The following TACC2 variants were observed in gnomAD, a reference collection of about 807,000 sequenced individuals.
The protein encoded by TACC2 is transforming acidic coiled-coil-containing protein 2.
A neutral mutation model predicts 227.3 loss-of-function variants in TACC2; 137 were observed. That is an observed-to-expected ratio of 0.60 (90% CI 0.52 to 0.69). The LOEUF (loss-of-function observed/expected upper bound fraction) is 0.69, where lower values mean the gene tolerates loss of function less well. Ranked by LOEUF, TACC2 falls within the 30% of genes least tolerant of loss-of-function variation. TACC2 has a pLI of 0.00. For synonymous variants in TACC2, 1,523 were observed against 1,487.5 expected (o/e 1.02, Z -0.55); for missense variants, 3,470 against 3,694.4 (o/e 0.94, Z 1.57).
chr10:122,138,023 G>A (rs2089980251), intron 6 of TACC2, among the ~76,000 whole-genome samples: 1 of 152,186 alleles, frequency 6.6e-6, no homozygotes, highest in East Asian at 1.9e-4. Flanking sequence ...ATGGTCAGAA[G>A]TTGAAAGGCC....
intron 7 of TACC2, among the ~76,000 whole-genome samples, chr10:122,177,994 T>C (rs895823721): frequency 1.3e-5 from 2 of 152,160 alleles, no homozygotes; most frequent in Admixed American, 1.3e-4. Context: ...ATAGCTGAGC[T>C]CACCTCTGGA....
At chr10:122,222,849 A>G (rs1401106740) in intron 11 of TACC2, among the ~76,000 whole-genome samples, 1 of 152,202 alleles carries the variant, frequency 6.6e-6, no homozygotes, top group East Asian at 1.9e-4. Flanking sequence ...CATTTAGGGC[A>G]TGTAATGCCT....
At chr10:121,996,913 C>G (rs1003660467) in intron 1 of TACC2, among the ~76,000 whole-genome samples, 6 of 151,944 alleles carry the variant, frequency 3.9e-5, no homozygotes. Flanking sequence ...ATGGACTCTC[C>G]AAGGAGAAGA....
chr10:121,996,830 G>A (rs1953564886), intron 1 of TACC2, among the ~76,000 whole-genome samples: 1 of 152,122 alleles, frequency 6.6e-6, no homozygotes, highest in Non-Finnish European at 1.5e-5. Context: ...TGGTGCAGGA[G>A]TGAGACGTCA....
chr10:122,007,222 G>T (rs1955288839), intron 1 of TACC2, among the ~76,000 whole-genome samples: 2 of 151,434 alleles, frequency 1.3e-5, no homozygotes, highest in Non-Finnish European at 2.9e-5. Flanking sequence ...TTATCCCTTG[G>T]GTGCCTTATG....
chr10:122,166,881 TTCTC>T (rs2093196920), intron 7 of TACC2, among the ~76,000 whole-genome samples: 1 of 152,184 alleles, frequency 6.6e-6, no homozygotes. Flanking sequence ...AAACACTTAT[TTCTC>T]AGTATGGATG....
At chr10:121,995,815 G>A (rs374857635) in intron 1 of TACC2, among the ~76,000 whole-genome samples, 2 of 151,812 alleles carry the variant, frequency 1.3e-5, no homozygotes, top group African/African-American at 2.4e-5. Context: ...GTGCAGTGGC[G>A]CAATCTTGGC....
chr10:122,143,069 G>A (rs1370783953), intron 6 of TACC2, among the ~76,000 whole-genome samples: 2 of 152,192 alleles, frequency 1.3e-5, no homozygotes, highest in African/African-American at 2.4e-5. Flanking sequence ...GGACACGGGT[G>A]GCCCAACTGG....
At chr10:122,075,747 T>C (rs974185154) in intron 3 of TACC2, among the ~76,000 whole-genome samples, 1 of 152,188 alleles carries the variant, frequency 6.6e-6, no homozygotes, top group African/African-American at 2.4e-5. Flanking sequence ...TGTGTTCTGT[T>C]GCTTATCGCA....
In TACC2 at chr10:122,143,612, G is replaced by A; in HGVS notation, c.5740G>A (p.Ala1914Thr). The A allele has an allele frequency of 6.2e-7, 1 of 1,614,078 alleles. No homozygotes were observed. The highest frequency in any genetic ancestry group is 8.5e-7 in the Non-Finnish European group (1 of 1,179,944). The change falls in exon 7 of 23, where the codon GCT (alanine) becomes ACT (threonine). Residue 1914 changes from alanine (A) to threonine (T), a missense_variant. This residue lies in a region of TACC2 where 1,924 missense variants were observed against 1,978.3 expected (regional missense o/e 0.97). Coordinates refer to ENST00000369005, the MANE Select transcript of TACC2 (RefSeq NM_206862.4). Reference protein sequence around the residue: ...AAAHAGLPPSAAEHIVSPSAP... With the variant: ...AAAHAGLPPSTAEHIVSPSAP... ...TGCCCATGCGGGTCTTCCTCCCTCG[G>A]CTGCAGAACACATAGTTTCGCCATC... is the stretch of plus-strand genomic sequence containing the variant.
intron 7 of TACC2, among the ~76,000 whole-genome samples, chr10:122,161,283 G>A (rs2092800097): frequency 6.6e-6 from 1 of 152,112 alleles, no homozygotes; most frequent in South Asian, 2.1e-4. Context: ...AGATGGTGTT[G>A]TCCCACTAAG....
At chr10:121,991,078 G>A (rs1370608997) in intron 1 of TACC2, among the ~76,000 whole-genome samples, 3 of 152,154 alleles carry the variant, frequency 2.0e-5, no homozygotes, top group Admixed American at 1.3e-4. Context: ...GAGCCACTAC[G>A]CCTCATCTGG....
chr10:122,006,180 G>A (rs1338301619), intron 1 of TACC2, among the ~76,000 whole-genome samples: 1 of 152,094 alleles, frequency 6.6e-6, no homozygotes, highest in Non-Finnish European at 1.5e-5. Flanking sequence ...CAGGCACGGT[G>A]GCTCAAGCCT....
At chr10:122,125,908 C>G (rs1438264862) in intron 5 of TACC2, among the ~76,000 whole-genome samples, 2 of 151,544 alleles carry the variant, frequency 1.3e-5, no homozygotes, top group Non-Finnish European at 2.9e-5. Context: ...TCCCGAGTAG[C>G]TGGGACTACA....
At chr10:122,098,716 AATG>A (rs1478968639) in intron 5 of TACC2, among the ~76,000 whole-genome samples, 1 of 152,178 alleles carries the variant, frequency 6.6e-6, no homozygotes, top group Non-Finnish European at 1.5e-5. Flanking sequence ...TCATCACTTA[AATG>A]ATGATAAGAC....
At position 122,083,699 on chromosome 10, in the gene TACC2, G is replaced by A. The variant is rs772637339; in HGVS notation, c.1199G>A (p.Gly400Asp). 1.9e-6 allele frequency: 3 copies of A among 1,613,282 alleles called. No homozygotes were observed. The highest frequency in any genetic ancestry group is 2.5e-6 in the Non-Finnish European group (3 of 1,180,048). Residue 400 changes from glycine to aspartate, a missense_variant, in exon 4 of 23, where the codon GGT (glycine) becomes GAT (aspartate). Physicochemically the swap from Gly to Asp is moderately conservative, Grantham distance 94. Coordinates refer to ENST00000369005, the MANE Select transcript of TACC2 (RefSeq NM_206862.4). The stretch of plus-strand genomic sequence containing the variant: ...GCAGCAGGCGGCCAGCCCGAAGGGG[G>A]TTTGCCTGTGAGCCCTGAACCTTCC... Reference protein sequence around the residue: ...CVAAGGQPEGGLPVSPEPSLL... With the variant: ...CVAAGGQPEGDLPVSPEPSLL...
At chr10:122,233,206 AT>A (rs1430486343) in intron 16 of TACC2, among the ~76,000 whole-genome samples, 1 of 152,156 alleles carries the variant, frequency 6.6e-6, no homozygotes, top group Admixed American at 6.5e-5. Flanking sequence ...GTCAAACGGA[AT>A]TTGGTTGTGT....
chr10:122,082,829 C>A lies in TACC2; in HGVS notation c.329C>A (p.Ser110Tyr). 1.9e-6 allele frequency: 3 copies of A among 1,613,726 alleles called. No homozygotes were observed. Among genetic ancestry groups the A allele is most frequent in the Non-Finnish European group, 2.5e-6 (3 of 1,180,022 alleles). The change falls in exon 4 of 23, where the codon TCC becomes TAC. Residue 110 changes from serine to tyrosine, a missense_variant. Ser to Tyr is a moderately radical substitution (Grantham distance 144, BLOSUM62 -2). Coordinates refer to ENST00000369005, the MANE Select transcript of TACC2 (RefSeq NM_206862.4). ...PSQEREHPSS[S>Y]MPFAECPPEG... The stretch of plus-strand genomic sequence containing the variant: ...CAGGAGCGAGAGCACCCCTCGTCCT[C>A]CATGCCCTTTGCCGAGTGTCCCCCG...
At chr10:122,191,721 A>G (rs1214596805) in intron 7 of TACC2, among the ~76,000 whole-genome samples, 1 of 152,224 alleles carries the variant, frequency 6.6e-6, no homozygotes, top group Non-Finnish European at 1.5e-5. Context: ...AGTCTGATAA[A>G]TATATTTGCC....
Sources: gnomAD v4.1 joint callset for allele counts (sites outside exome capture counted in the v4.1 genomes callset) on GRCh38, gnomAD v4.1.1 for gene constraint, gnomAD v4.1.1 regional missense constraint, MANE v1.5 for transcripts, NCBI Gene and HGNC (gene_info 2026-07-23, HGNC 2026-07-21) for gene names.